MAEL: variants seen among roughly 807,000 people sequenced by gnomAD.
MAEL encodes protein maelstrom homolog.
In MAEL, 46 loss-of-function variants were observed where a neutral mutation model predicts 62.0. The ratio of observed to expected loss-of-function variants is 0.74; its 90% CI spans 0.59 to 0.95. MAEL has a LOEUF of 0.95. Ranked by LOEUF, MAEL falls within the 40% of genes least tolerant of loss-of-function variation. The probability of loss-of-function intolerance (pLI) is 0.00; values close to 1 mark genes in which losing one functional copy is unlikely to be tolerated. For synonymous variants in MAEL, 172 were observed against 175.5 expected, an observed-to-expected ratio of 0.98 and a Z score of 0.16; for missense variants, 497 against 526.8, an observed-to-expected ratio of 0.94 and a Z score of 0.55.
intron 9 of MAEL, 128 bp from the exon 10 acceptor site, chr1:167,017,699 C>T: frequency 2.7e-6 from 2 of 749,528 alleles, no homozygotes; most frequent in Non-Finnish European, 4.0e-6. Context: ...TCTGAATCTC[C>T]AAATTTATTT....
intron 5 of MAEL, 60 bp downstream of exon 5, chr1:166,994,129 T>A (rs1664306197): frequency 7.2e-7 from 1 of 1,398,018 alleles, no homozygotes. Flanking sequence ...CTGGTTAGAC[T>A]TATTCCTTTT....
At chr1:167,006,624 T>TATATATAC (rs1430226938) in intron 8 of MAEL, among the ~76,000 whole-genome samples, 1 of 98,970 alleles carries the variant, frequency 1.0e-5, no homozygotes, top group East Asian at 3.7e-4. Flanking sequence ...TATATATATA[T>TATATATAC]ATATATATAT....
chr1:166,989,289 G>T lies in MAEL; in HGVS notation c.-64G>T. On this transcript the variant is annotated 5_prime_UTR_variant, in exon 1 of 12. Coordinates refer to ENST00000367872, the MANE Select transcript of MAEL (RefSeq NM_032858.3). ...GGCGCCTACCTCTGTTACTTAGGGC[G>T]GGAGCCCGGCGAGGGCGCCGGTGCT... is the stretch of plus-strand genomic sequence containing the variant. The T allele has an allele frequency of 1.3e-6, 2 of 1,555,856 alleles. No individual in the cohort carries two copies. Among genetic ancestry groups the T allele is most frequent in the East Asian group, 2.3e-5 (1 of 42,732 alleles).
intron 3 of MAEL, 91 bp downstream of exon 3, chr1:166,991,568 C>A (rs1229921540): frequency 1.3e-6 from 1 of 769,208 alleles, no homozygotes; most frequent in Non-Finnish European, 2.3e-6. Context: ...TCATTTTGAT[C>A]CTCCGTTTCA....
chr1:166,988,649 G>GA (rs1664008528), upstream of MAEL, among the ~76,000 whole-genome samples: 1 of 151,844 alleles, frequency 6.6e-6, no homozygotes, highest in Admixed American at 6.6e-5. Flanking sequence ...TAATCAATTA[G>GA]AAAATATAAT....
At chr1:166,989,713 C>A in intron 1 of MAEL, 24 bp from the exon 2 acceptor site, 1 of 1,607,918 alleles carries the variant, frequency 6.2e-7, no homozygotes. Context: ...TGTTTCTCTT[C>A]TTTGCTCCTT....
chr1:166,994,193 C>A, intron 5 of MAEL, 124 bp downstream of exon 5: 1 of 841,888 alleles, frequency 1.2e-6, no homozygotes, highest in Non-Finnish European at 1.8e-6. Flanking sequence ...GTTAGAGAAT[C>A]TGCATAGATG....
intron 8 of MAEL, among the ~76,000 whole-genome samples, chr1:167,007,103 T>G (rs1664946923): frequency 6.6e-6 from 1 of 152,066 alleles, no homozygotes; most frequent in Non-Finnish European, 1.5e-5. Context: ...GATTGTTCCT[T>G]CTGCATTTAT....
intron 8 of MAEL, among the ~76,000 whole-genome samples, chr1:167,006,600 ACTATATATATATATAT>A (rs1664907425): frequency 2.2e-5 from 1 of 46,000 alleles, no homozygotes; most frequent in Non-Finnish European, 4.2e-5. Flanking sequence ...CTGGTTTTTT[ACTATATATATATATAT>A]ATATATATAT....
At chr1:167,015,115 A>G (rs1665332153) in intron 8 of MAEL, among the ~76,000 whole-genome samples, 1 of 152,208 alleles carries the variant, frequency 6.6e-6, no homozygotes, top group Non-Finnish European at 1.5e-5. Context: ...ACAAAAGCAA[A>G]CTAATAGCTC....
intron 9 of MAEL, among the ~76,000 whole-genome samples, chr1:167,017,498 T>G (rs1208942933): frequency 5.3e-5 from 8 of 152,054 alleles, no homozygotes; most frequent in Non-Finnish European, 8.8e-5. Flanking sequence ...CAGGATAGAT[T>G]AGTGTTTATG....
At chr1:167,001,718 C>T (rs1032061688) in intron 5 of MAEL, among the ~76,000 whole-genome samples, 1 of 152,178 alleles carries the variant, frequency 6.6e-6, no homozygotes, top group Non-Finnish European at 1.5e-5. Flanking sequence ...AGGGAGATAG[C>T]AGTTGCACAT....
chr1:167,007,379 G>T (rs188485779), intron 8 of MAEL, among the ~76,000 whole-genome samples: 2 of 151,940 alleles, frequency 1.3e-5, no homozygotes, highest in African/African-American at 2.4e-5. Flanking sequence ...TATGTTCCAG[G>T]CCTATCTTGT....
At chr1:166,989,100 C>G (rs945973027), upstream of MAEL, 3 of 505,828 alleles carry the variant, frequency 5.9e-6, no homozygotes, top group Non-Finnish European at 1.1e-5. Flanking sequence ...GCCACGCACC[C>G]AGCCAATCAG....
intron 8 of MAEL, among the ~76,000 whole-genome samples, chr1:167,013,539 A>G (rs991121963): frequency 3.3e-5 from 5 of 152,216 alleles, no homozygotes; most frequent in Non-Finnish European, 7.3e-5. Context: ...ACCACTCTGC[A>G]AAGTGCTCTG....
intron 10 of MAEL, among the ~76,000 whole-genome samples, chr1:167,019,463 C>G (rs547170747): frequency 1.5e-4 from 23 of 152,254 alleles, no homozygotes; most frequent in African/African-American, 4.6e-4. Flanking sequence ...CAGCCCTTCC[C>G]AACTCCTGAG....
At chr1:166,995,931 G>C (rs996267119) in intron 5 of MAEL, among the ~76,000 whole-genome samples, 1 of 152,038 alleles carries the variant, frequency 6.6e-6, no homozygotes, top group African/African-American at 2.4e-5. Context: ...CAGAAAGCAT[G>C]GTTCTTTAAA....
chr1:167,017,751 T>C (rs1257899515), intron 9 of MAEL, 76 bp from the exon 10 acceptor site: 2 of 1,399,506 alleles, frequency 1.4e-6, no homozygotes, highest in Admixed American at 4.2e-5. Context: ...TTCTTTTTGT[T>C]AGAGATTTTA....
At position 167,016,770 on chromosome 1, in the gene MAEL, G is replaced by T. The variant is rs1571278581; in HGVS notation, c.908+486G>T. Among the ~76,000 whole-genome samples, 3 of 152,060 alleles carry T rather than the reference G, an allele frequency of 2.0e-5. No homozygotes were observed. In the South Asian group the frequency reaches 6.2e-4, roughly 32 times the overall value. ...CAGATGAATGGATAAAGAAAATGTG[G>T]TACTTATACACAATAGAGTACTATT... is the stretch of plus-strand genomic sequence containing the variant. On this transcript the variant is annotated intron_variant, in intron 9 of 11. Coordinates refer to ENST00000367872, the MANE Select transcript of MAEL (RefSeq NM_032858.3).
Sources: gnomAD v4.1 joint callset for allele counts (sites outside exome capture counted in the v4.1 genomes callset) on GRCh38, gnomAD v4.1.1 for gene constraint, MANE v1.5 for transcripts, NCBI Gene and HGNC (gene_info 2026-07-23, HGNC 2026-07-21) for gene names.